The following ADCY9 variants were observed in gnomAD, a reference collection of about 807,000 sequenced individuals.
ADCY9 encodes the protein adenylate cyclase type 9.
A neutral mutation model predicts 101.5 loss-of-function variants in ADCY9; 50 were observed. The ratio of observed to expected loss-of-function variants is 0.49; its 90% CI spans 0.39 to 0.62. The LOEUF is 0.62. Ranked by LOEUF, ADCY9 falls within the 20% of genes least tolerant of loss-of-function variation. The probability of loss-of-function intolerance (pLI) is 0.00; values close to 1 mark genes in which losing one functional copy is unlikely to be tolerated. For synonymous variants in ADCY9, 905 were observed against 769.3 expected, an observed-to-expected ratio of 1.18 and a Z score of -2.92; for missense variants, 1,662 against 1,800.4, an observed-to-expected ratio of 0.92 and a Z score of 1.39.
At chr16:4,104,479 G>A (rs2057063406) in intron 2 of ADCY9, among the ~76,000 whole-genome samples, 1 of 152,176 alleles carries the variant, frequency 6.6e-6, no homozygotes, top group East Asian at 1.9e-4. Context: ...GGGTGTGGTG[G>A]TGCATGCCTG....
intron 2 of ADCY9, among the ~76,000 whole-genome samples, chr16:4,064,125 T>G (rs190290779): frequency 3.3e-5 from 5 of 152,210 alleles, no homozygotes; most frequent in Admixed American, 2.6e-4. Context: ...AAATCAACTG[T>G]TTTGTGTATA....
chr16:3,983,787 T>A (rs763118783), intron 6 of ADCY9: 1 of 259,916 alleles, frequency 3.8e-6, no homozygotes, highest in Non-Finnish European at 7.5e-6. Flanking sequence ...TAGCCAGGCA[T>A]GGCAGTGCGT....
At chr16:4,071,029 T>C (rs1461075104) in intron 2 of ADCY9, among the ~76,000 whole-genome samples, 1 of 151,788 alleles carries the variant, frequency 6.6e-6, no homozygotes, top group Non-Finnish European at 1.5e-5. Context: ...GAGGCGGGGT[T>C]ACAAAGTAAC....
At chr16:4,086,538 G>C (rs1018858113) in intron 2 of ADCY9, among the ~76,000 whole-genome samples, 1 of 152,170 alleles carries the variant, frequency 6.6e-6, no homozygotes, top group Middle Eastern at 3.4e-3. Context: ...AGAGAAAGTT[G>C]ACACAGAATC....
intron 2 of ADCY9, among the ~76,000 whole-genome samples, chr16:4,095,203 G>A (rs2056996039): frequency 2.2e-5 from 3 of 137,906 alleles, no homozygotes; most frequent in Non-Finnish European, 4.8e-5. Context: ...GGTTTCGGAC[G>A]TTGGCCAGGC....
At chr16:4,042,736 C>T (rs1271467044) in intron 2 of ADCY9, among the ~76,000 whole-genome samples, 1 of 152,164 alleles carries the variant, frequency 6.6e-6, no homozygotes, top group Non-Finnish European at 1.5e-5. Context: ...CATGAAAATC[C>T]AACAGCCACC....
At position 4,115,149 on chromosome 16, in the gene ADCY9, C is replaced by T. The variant is rs778446924; in HGVS notation, c.294G>A (p.Val98=). Reference sequence around the variant, plus strand: ...GCTCCAGGCAGGCCTCCTCCAGGTTCACCGAGTCGAACTTGGGGTCCCACC... The same window carrying T: ...GCTCCAGGCAGGCCTCCTCCAGGTTTACCGAGTCGAACTTGGGGTCCCACC... ...SRWWDPKFDS[V]NLEEACLERC... The change falls in exon 2 of 11, where the codon GTG becomes GTA. Residue 98 remains valine, a synonymous_variant. Transcript: ENST00000294016. This position sits in a 1 kb window ranked among gnomAD's most constrained non-coding sequence, Gnocchi z 6.2. 6.2e-7 allele frequency: 1 copy of T among 1,613,840 alleles called. No homozygotes were observed. The highest frequency in any genetic ancestry group is 1.1e-5 in the South Asian group (1 of 91,082).
intron 2 of ADCY9, among the ~76,000 whole-genome samples, chr16:4,109,495 G>C (rs1326769668): frequency 6.6e-6 from 1 of 152,156 alleles, no homozygotes; most frequent in African/African-American, 2.4e-5. Flanking sequence ...CCGGGCCTCT[G>C]TACTCTGCAA....
intron 2 of ADCY9, among the ~76,000 whole-genome samples, chr16:4,083,226 T>C (rs1049808379): frequency 1.3e-5 from 2 of 152,230 alleles, no homozygotes; most frequent in African/African-American, 4.8e-5. Flanking sequence ...TCTTAACCAA[T>C]ATAACATGCT....
chr16:4,111,830 A>C (rs1184916639), intron 2 of ADCY9, among the ~76,000 whole-genome samples: 1 of 147,350 alleles, frequency 6.8e-6, no homozygotes, highest in African/African-American at 2.4e-5. Flanking sequence ...AAAAAAAAAA[A>C]AACACAAACT....
chr16:3,979,567 C>T (rs976925549), intron 7 of ADCY9, among the ~76,000 whole-genome samples: 1 of 152,236 alleles, frequency 6.6e-6, no homozygotes, highest in African/African-American at 2.4e-5. Flanking sequence ...GTGAGAGTAT[C>T]ACAGGCCCTG....
intron 2 of ADCY9, among the ~76,000 whole-genome samples, chr16:4,084,008 T>C (rs1028655103): frequency 6.6e-6 from 1 of 152,208 alleles, no homozygotes; most frequent in Non-Finnish European, 1.5e-5. Context: ...TAAAGCTTTC[T>C]TTTGTTTGTT....
At chr16:3,999,270 C>T (rs1323768914) in intron 3 of ADCY9, among the ~76,000 whole-genome samples, 1 of 152,180 alleles carries the variant, frequency 6.6e-6, no homozygotes, top group Non-Finnish European at 1.5e-5. Context: ...ACAGTAGCTA[C>T]TATGACTTAG....
At chr16:4,013,814 C>A (rs898145891) in intron 2 of ADCY9, among the ~76,000 whole-genome samples, 1 of 152,122 alleles carries the variant, frequency 6.6e-6, no homozygotes, top group Non-Finnish European at 1.5e-5. Flanking sequence ...ATTCTTTCTG[C>A]GTAAGAAGAA....
At chr16:4,044,769 T>C (rs2056650906) in intron 2 of ADCY9, among the ~76,000 whole-genome samples, 1 of 152,166 alleles carries the variant, frequency 6.6e-6, no homozygotes. Flanking sequence ...AGAGCCTGCA[T>C]CTAAATCCCA....
chr16:4,055,979 G>A (rs1019765582), intron 2 of ADCY9, among the ~76,000 whole-genome samples: 2 of 152,160 alleles, frequency 1.3e-5, no homozygotes, highest in African/African-American at 2.4e-5. Flanking sequence ...GGGTGACTGC[G>A]CGTCTCTGGC....
At chr16:4,060,110 T>G (rs114514839) in intron 2 of ADCY9, among the ~76,000 whole-genome samples, 1 of 152,208 alleles carries the variant, frequency 6.6e-6, no homozygotes, top group African/African-American at 2.4e-5. Flanking sequence ...CCAAAGGCAC[T>G]GACATAAACC....
chr16:4,112,699 G>C (rs1264152960), intron 2 of ADCY9, among the ~76,000 whole-genome samples: 1 of 151,938 alleles, frequency 6.6e-6, no homozygotes, highest in Non-Finnish European at 1.5e-5. Context: ...ATACAATACA[G>C]CTTCACAAAA....
At chr16:4,113,655 G>A in intron 2 of ADCY9, 95 bp downstream of exon 2, 3 of 1,467,220 alleles carry the variant, frequency 2.0e-6, no homozygotes, top group East Asian at 2.3e-5. Flanking sequence ...AGATACCTGA[G>A]CTGTCTGCAG....
Sources: gnomAD v4.1 joint callset for allele counts (sites outside exome capture counted in the v4.1 genomes callset) on GRCh38, gnomAD v4.1.1 for gene constraint, Gnocchi (gnomAD v3.1) non-coding constraint, MANE v1.5 for transcripts, NCBI Gene and HGNC (gene_info 2026-07-23, HGNC 2026-07-21) for gene names.